Variants in GLP1R observed in about 807,000 individuals in gnomAD.
The protein encoded by GLP1R is glucagon-like peptide 1 receptor.
In GLP1R, 32 loss-of-function variants were observed where a neutral mutation model predicts 68.4. The observed-to-expected ratio is 0.47, with a 90% confidence interval of 0.35 to 0.63. The LOEUF (loss-of-function observed/expected upper bound fraction) is 0.63. GLP1R is among the 20% of genes least tolerant of loss of function. The pLI, the probability that GLP1R is intolerant of heterozygous loss-of-function variation, is 0.00. For missense variants in GLP1R, 502 were observed against 594.9 expected, an observed-to-expected ratio of 0.84 and a Z score of 1.62; for synonymous variants, 263 against 244.4, an observed-to-expected ratio of 1.08 and a Z score of -0.71.
Position 39,079,512 on chromosome 6 carries a change from G to A in GLP1R, c.1044-52G>A, listed in dbSNP as rs371567938. 324 of 1,513,360 alleles carry A rather than the reference G, an allele frequency of 2.1e-4. No individual in the cohort carries two copies. The African/African-American group carries it at 4.1e-3, about 19-fold the overall frequency. 93.7% of individuals were successfully genotyped at this position (1,513,360 alleles called of 1,614,324 possible). A position where few individuals can be genotyped will look rare whatever the true frequency, so the allele number is the denominator to read the frequency against. On this transcript the variant is annotated intron_variant, in intron 10 of 12. Coordinates refer to ENST00000373256, the MANE Select transcript of GLP1R (RefSeq NM_002062.5). The surrounding 1 kb of genome is among the most constrained non-coding windows in gnomAD (Gnocchi z 4.5). The stretch of plus-strand genomic sequence containing the variant: ...TGGGGAGGGTAGAGAAAGGGAAGAA[G>A]AGTCCATGGGAGAGGTCCAGAATGA...
At chr6:39,056,184 C>T (rs1768209441) in intron 1 of GLP1R, among the ~76,000 whole-genome samples, 2 of 152,228 alleles carry the variant, frequency 1.3e-5, no homozygotes, top group East Asian at 1.9e-4. Flanking sequence ...TCAAGCTATG[C>T]ACCCTGGGAG....
intron 5 of GLP1R, among the ~76,000 whole-genome samples, chr6:39,069,083 A>G (rs1768591537): frequency 6.6e-6 from 1 of 152,130 alleles, no homozygotes; most frequent in African/African-American, 2.4e-5. Context: ...GCCATGCTGT[A>G]CCCTCAATAC....
In GLP1R at chr6:39,078,511, A is replaced by G; in HGVS notation, c.884+129A>G. 4.1e-6 allele frequency: 3 copies of G among 738,458 alleles called. No homozygotes were observed. In the Admixed American group the frequency reaches 5.6e-5, roughly 14 times the overall value. The allele number at this position is 738,458 out of a possible 1,614,324, so 45.7% of individuals were successfully genotyped here. A position where few individuals can be genotyped will look rare whatever the true frequency, so the allele number is the denominator to read the frequency against. ...GGGGTACCAGGAGCTTAGAAGGTGA[A>G]TTTAGTTCTCTAATCTCCCCTCCCT... On this transcript the variant is annotated intron_variant, in intron 8 of 12. Coordinates refer to ENST00000373256, the MANE Select transcript of GLP1R (RefSeq NM_002062.5).
At position 39,089,847 on chromosome 6, in the gene GLP1R, G is replaced by C. The variant is rs1287868190; in HGVS notation, c.*3774G>C. Among the ~76,000 whole-genome samples, 1 of 152,126 alleles carries C rather than the reference G, an allele frequency of 6.6e-6. No homozygotes were observed. The highest frequency in any genetic ancestry group is 2.4e-5 in the African/African-American group (1 of 41,422). On this transcript the variant is annotated 3_prime_UTR_variant, in exon 13 of 13. Transcript: ENST00000373256. This position sits in a 1 kb window ranked among gnomAD's most constrained non-coding sequence, Gnocchi z 4.1. ...CAGGGAAGGCAAAATCTATTCCAAA[G>C]GTTTATTTTCCCTCTGTTGAATTGA...
Position 39,078,773 on chromosome 6 carries a change from T to A in GLP1R, c.885-184T>A, listed in dbSNP as rs1228993382. Among the ~76,000 whole-genome samples the A allele has an allele frequency of 3.3e-5, 5 of 152,236 alleles. No homozygotes were observed. The South Asian group carries it at 1.0e-3, about 32-fold the overall frequency. Reference sequence around the variant, plus strand: ...ACTGTGTATTTGGACTATGCGTGTGTGTTGTGTGGCTGTGCACTGGCAGGG... The same window carrying A: ...ACTGTGTATTTGGACTATGCGTGTGAGTTGTGTGGCTGTGCACTGGCAGGG... On this transcript the variant is annotated intron_variant, in intron 8 of 12. Coordinates refer to ENST00000373256, the MANE Select transcript of GLP1R (RefSeq NM_002062.5).
intron 8 of GLP1R, 117 bp downstream of exon 8, chr6:39,078,499 C>A: frequency 1.3e-6 from 1 of 773,958 alleles, no homozygotes; most frequent in Admixed American, 1.8e-5. Flanking sequence ...GTACCAGGAG[C>A]TTAGAAGGTG....
At chr6:39,076,442 G>C (rs1768830443) in intron 7 of GLP1R, among the ~76,000 whole-genome samples, 1 of 152,092 alleles carries the variant, frequency 6.6e-6, no homozygotes, top group South Asian at 2.1e-4. Flanking sequence ...AGGAGAGAGA[G>C]AGCTGATGAA....
intron 3 of GLP1R, among the ~76,000 whole-genome samples, chr6:39,060,216 A>G (rs114349438): frequency 2.6e-5 from 4 of 152,302 alleles, no homozygotes; most frequent in African/African-American, 9.6e-5. Flanking sequence ...GCAGTTCTGA[A>G]GAAGGGGACA....
intron 1 of GLP1R, among the ~76,000 whole-genome samples, chr6:39,054,905 C>T (rs1163859903): frequency 6.6e-6 from 1 of 152,232 alleles, no homozygotes; most frequent in Non-Finnish European, 1.5e-5. Context: ...TGTGCCACCT[C>T]CTCAGCTGTG....
At position 39,065,888 on chromosome 6, in the gene GLP1R, C is replaced by A; in HGVS notation, c.402+59C>A. 5 of 1,034,170 alleles carry A rather than the reference C, an allele frequency of 4.8e-6. No individual in the cohort carries two copies. The South Asian group carries it at 5.4e-5, about 11-fold the overall frequency. 64.1% of individuals were successfully genotyped at this position (1,034,170 alleles called of 1,614,324 possible). A position where few individuals can be genotyped will look rare whatever the true frequency, so the allele number is the denominator to read the frequency against. ...GGGAGCCATGTCTTGGAGCACTTCA[C>A]TGGAGCAAAGACCCTTGGCTTTGAT... On this transcript the variant is annotated intron_variant, in intron 4 of 12. Transcript: ENST00000373256.
chr6:39,063,248 G>T (rs1014706779), intron 3 of GLP1R, among the ~76,000 whole-genome samples: 15 of 152,138 alleles, frequency 9.9e-5, no homozygotes, highest in Admixed American at 2.6e-4. Flanking sequence ...ACTGCTTTTG[G>T]GGGTATCTAC....
rs1342920919 is a variant in GLP1R, at chr6:39,087,677, A to G, written c.*1604A>G. The G allele has an allele frequency of 6.6e-6, 1 of 152,178 alleles. No individual in the cohort carries two copies. Among genetic ancestry groups the G allele is most frequent in the East Asian group, 1.9e-4 (1 of 5,200 alleles). 9.4% of individuals were successfully genotyped at this position (152,178 alleles called of 1,614,324 possible). ...ACACATTCTCCTGTGCCCCTCAGAG[A>G]GGCATGTGATGTGCAAGGAAAATAA... On this transcript the variant is annotated 3_prime_UTR_variant, in exon 13 of 13. Coordinates refer to ENST00000373256, the MANE Select transcript of GLP1R (RefSeq NM_002062.5).
chr6:39,076,465 G>A (rs978014049), intron 7 of GLP1R, among the ~76,000 whole-genome samples: 5 of 152,104 alleles, frequency 3.3e-5, no homozygotes, highest in Admixed American at 2.0e-4. Context: ...ATGCTGGTCC[G>A]CTGGGGGCTC....
intron 1 of GLP1R, among the ~76,000 whole-genome samples, chr6:39,052,439 T>A (rs1471887971): frequency 6.6e-6 from 1 of 152,062 alleles, no homozygotes. Context: ...GAAATTTGAG[T>A]TGGAATCCCT....
At chr6:39,064,267 A>G (rs1200079734) in intron 3 of GLP1R, among the ~76,000 whole-genome samples, 1 of 151,946 alleles carries the variant, frequency 6.6e-6, no homozygotes, top group East Asian at 1.9e-4. Flanking sequence ...GGCCTCCCAG[A>G]GTGCTAGGAT....
intron 5 of GLP1R, among the ~76,000 whole-genome samples, chr6:39,072,062 C>T (rs1037755156): frequency 1.5e-4 from 23 of 152,130 alleles, no homozygotes; most frequent in Admixed American, 3.3e-4. Context: ...ATTTTTTTAA[C>T]GCAGGCATAT....
intron 5 of GLP1R, among the ~76,000 whole-genome samples, chr6:39,071,870 G>GC (rs1454603852): frequency 2.6e-5 from 4 of 152,172 alleles, no homozygotes; most frequent in East Asian, 3.9e-4. Flanking sequence ...CTTTAAGGTA[G>GC]CGAGTCTTTC....
At chr6:39,053,051 C>T (rs905723754) in intron 1 of GLP1R, among the ~76,000 whole-genome samples, 1 of 152,172 alleles carries the variant, frequency 6.6e-6, no homozygotes, top group Non-Finnish European at 1.5e-5. Context: ...TGCCTTCATC[C>T]ACCTCAGAGA....
chr6:39,063,848 C>T (rs1271883568), intron 3 of GLP1R, among the ~76,000 whole-genome samples: 1 of 151,630 alleles, frequency 6.6e-6, no homozygotes, highest in Non-Finnish European at 1.5e-5. Context: ...TTGCCCCTGT[C>T]CTGCACCCCT....
Sources: gnomAD v4.1 joint callset for allele counts (sites outside exome capture counted in the v4.1 genomes callset) on GRCh38, gnomAD v4.1.1 for gene constraint, Gnocchi (gnomAD v3.1) non-coding constraint, MANE v1.5 for transcripts, NCBI Gene and HGNC (gene_info 2026-07-23, HGNC 2026-07-21) for gene names.